INTS10: variants seen among roughly 807,000 people sequenced by gnomAD.
INTS10 encodes chromosome 8 open reading frame 35.
INTS10 carries 44 observed loss-of-function variants against 94.4 expected under a neutral mutation model. The observed-to-expected ratio is 0.47, with a 90% confidence interval of 0.37 to 0.60. The LOEUF (loss-of-function observed/expected upper bound fraction) is 0.60. INTS10 is among the 20% of genes least tolerant of loss of function. The pLI is 0.00. For synonymous variants in INTS10, 341 were observed against 320.7 expected, an observed-to-expected ratio of 1.06 and a Z score of -0.68; for missense variants, 797 against 868.7, an observed-to-expected ratio of 0.92 and a Z score of 1.04.
chr8:19,822,680 G>C (rs116758157), intron 5 of INTS10, among the ~76,000 whole-genome samples, 160 bp downstream of exon 5: 1 of 151,880 alleles, frequency 6.6e-6, no homozygotes, highest in African/African-American at 2.4e-5. Context: ...AGCTGGGTGC[G>C]GTGGCTCACG....
intron 7 of INTS10, chr8:19,824,597 T>G: frequency 2.1e-6 from 1 of 478,412 alleles, no homozygotes; most frequent in Non-Finnish European, 3.6e-6. Context: ...AAAGAGAAGC[T>G]ACTTAGCATG....
rs745449238 is a variant in INTS10, at chr8:19,824,942, G to C, written c.976G>C (p.Val326Leu). 1 of 1,613,978 alleles carries C rather than the reference G, an allele frequency of 6.2e-7. No homozygotes were observed. Among genetic ancestry groups the C allele is most frequent in the South Asian group, 1.1e-5 (1 of 91,034 alleles). The change falls in exon 8 of 17, where the codon GTC becomes CTC. Residue 326 changes from valine (V) to leucine (L), a missense_variant. By Grantham distance (32) the Val-to-Leu change is conservative. This residue lies in a region of INTS10 where 734 missense variants were observed against 787.8 expected (regional missense o/e 0.93). Coordinates refer to ENST00000397977, the MANE Select transcript of INTS10 (RefSeq NM_018142.4). ...LVFFKNAFQY[V>L]NSIQPSLFQG... ...CTTCTTTAAGAATGCATTCCAGTAT[G>C]TCAACAGCATACAGCCATCTCTCTT...
intron 9 of INTS10, among the ~76,000 whole-genome samples, chr8:19,827,895 G>A (rs1354347477): frequency 4.6e-5 from 7 of 152,130 alleles, no homozygotes; most frequent in African/African-American, 1.4e-4. Flanking sequence ...TGTTTTGTTT[G>A]TTTAAATAAC....
chr8:19,844,972 A>G (rs1408282750), intron 15 of INTS10, among the ~76,000 whole-genome samples: 3 of 151,854 alleles, frequency 2.0e-5, no homozygotes, highest in Non-Finnish European at 4.4e-5. Flanking sequence ...ATCATAGCTC[A>G]CTGCAGTCTT....
intron 11 of INTS10, 31 bp downstream of exon 11, chr8:19,832,141 T>G: frequency 4.4e-6 from 5 of 1,144,966 alleles, no homozygotes; most frequent in Non-Finnish European, 6.7e-6. Context: ...TAGGTACCTG[T>G]GTCTGTACAG....
chr8:19,827,963 G>A (rs192072052), intron 9 of INTS10, among the ~76,000 whole-genome samples: 131 of 152,114 alleles, frequency 8.6e-4, no homozygotes, highest in African/African-American at 3.0e-3. Flanking sequence ...TGTAATCCCA[G>A]CACTTTGGGG....
intron 10 of INTS10, among the ~76,000 whole-genome samples, chr8:19,830,820 G>A (rs2067171435): frequency 6.6e-6 from 1 of 152,060 alleles, no homozygotes; most frequent in Admixed American, 6.6e-5. Context: ...CTACAGGCAC[G>A]TGCGACCATG....
At chr8:19,850,124 G>A (rs2068902488) in intron 16 of INTS10, among the ~76,000 whole-genome samples, 2 of 127,322 alleles carry the variant, frequency 1.6e-5, no homozygotes, top group South Asian at 5.1e-4. Context: ...ATAGCAAGAT[G>A]CCATCTCAAA....
At chr8:19,825,185 G>A (rs568702211) in intron 8 of INTS10, among the ~76,000 whole-genome samples, 1 of 152,264 alleles carries the variant, frequency 6.6e-6, no homozygotes, top group South Asian at 2.1e-4. Flanking sequence ...ATCAAAGGGC[G>A]TAATGGTACT....
chr8:19,826,853 G>A (rs1473904890), intron 9 of INTS10, among the ~76,000 whole-genome samples: 1 of 152,180 alleles, frequency 6.6e-6, no homozygotes, highest in Non-Finnish European at 1.5e-5. Context: ...ATGAGGTGGA[G>A]AACCCATGGT....
intron 13 of INTS10, among the ~76,000 whole-genome samples, chr8:19,841,176 T>TA (rs1231898275): frequency 6.6e-6 from 1 of 152,038 alleles, no homozygotes. Context: ...TATCCAAATG[T>TA]AAAAAACGAC....
Position 19,844,106 on chromosome 8 carries a change from A to G in INTS10, c.1750A>G (p.Met584Val), listed in dbSNP as rs748867290. The change falls in exon 15 of 17, where the codon ATG (methionine) becomes GTG (valine). Residue 584 changes from methionine to valine, a missense_variant. Transcript: ENST00000397977. Reference sequence around the variant, plus strand: ...AGCTTTCACAGACAACAGAGACGACATGGCATTGGGGCATGTGATTGTGTT... The same window carrying G: ...AGCTTTCACAGACAACAGAGACGACGTGGCATTGGGGCATGTGATTGTGTT... Reference protein sequence around the residue: ...LRAFTDNRDDMALGHVIVLLQ... With the variant: ...LRAFTDNRDDVALGHVIVLLQ... The G allele has an allele frequency of 6.2e-6, 10 of 1,611,440 alleles. No homozygotes were observed. Among genetic ancestry groups the G allele is most frequent in the Admixed American group, 5.0e-5 (3 of 59,498 alleles).
chr8:19,833,128 C>G (rs2067369312), intron 11 of INTS10, 41 bp from the exon 12 acceptor site: 1 of 1,473,052 alleles, frequency 6.8e-7, no homozygotes, highest in Non-Finnish European at 9.0e-7. Flanking sequence ...CTTTTTTTAA[C>G]AGCGATGCTT....
In INTS10 at chr8:19,846,136, G is replaced by A. The variant is rs893204425; in HGVS notation, c.1976+339G>A. ...AGAGTGCCTTTAATTAAGAACAGTTGTGTGGCCAGGCATGGTGGCTCACGC... is the reference window on the plus strand; with the variant it reads ...AGAGTGCCTTTAATTAAGAACAGTTATGTGGCCAGGCATGGTGGCTCACGC... On this transcript the variant is annotated intron_variant, in intron 16 of 16. Coordinates refer to ENST00000397977, the MANE Select transcript of INTS10 (RefSeq NM_018142.4). This position sits in a 1 kb window ranked among gnomAD's most constrained non-coding sequence, Gnocchi z 4.2. Among the ~76,000 whole-genome samples, 10 of 151,982 alleles carry A rather than the reference G, an allele frequency of 6.6e-5. No homozygotes were observed. The highest frequency in any genetic ancestry group is 1.5e-4 in the African/African-American group (6 of 41,376).
chr8:19,838,964 C>G (rs1376973936), intron 13 of INTS10, among the ~76,000 whole-genome samples: 1 of 151,896 alleles, frequency 6.6e-6, no homozygotes, highest in Non-Finnish European at 1.5e-5. Context: ...CCCAGCTACT[C>G]GGGAGGCTGA....
intron 9 of INTS10, among the ~76,000 whole-genome samples, chr8:19,828,331 G>GT (rs912424606): frequency 1.2e-5 from 1 of 82,484 alleles, no homozygotes; most frequent in Non-Finnish European, 3.0e-5. Context: ...CACAACTGGA[G>GT]TTGGGGGGTG....
intron 13 of INTS10, among the ~76,000 whole-genome samples, chr8:19,842,499 G>A (rs2068208243): frequency 6.6e-6 from 1 of 152,152 alleles, no homozygotes; most frequent in South Asian, 2.1e-4. Flanking sequence ...TGTGATTATT[G>A]ATATTAGAAA....
chr8:19,845,449 G>A (rs757797773), intron 15 of INTS10: 66 of 469,636 alleles, frequency 1.4e-4, no homozygotes, highest in South Asian at 1.1e-3. Context: ...TTATCTGTGC[G>A]AGGGAGTTTA....
At chr8:19,823,545 G>C in intron 6 of INTS10, 104 bp downstream of exon 6, 1 of 813,962 alleles carries the variant, frequency 1.2e-6, no homozygotes. Context: ...ATACTTACCA[G>C]TTTGGGAGTG....
Sources: allele counts gnomAD v4.1 joint callset (sites outside exome capture counted in the v4.1 genomes callset), GRCh38; gene constraint gnomAD v4.1.1; regional missense constraint gnomAD v4.1.1; non-coding constraint Gnocchi (gnomAD v3.1); transcripts MANE v1.5; gene names NCBI Gene and HGNC (gene_info 2026-07-23, HGNC 2026-07-21).